GRM8: variants seen among roughly 807,000 people sequenced by gnomAD.
GRM8 encodes glutamate metabotropic receptor 8, also known as metabotropic glutamate receptor 8.
GRM8 carries 47 observed loss-of-function variants against 87.2 expected under a neutral mutation model. That is an observed-to-expected ratio of 0.54 (90% CI 0.43 to 0.69). The LOEUF is 0.69. Among genes scored for constraint, GRM8 ranks in the 30% least tolerant of loss-of-function variants. The pLI, the probability that GRM8 is intolerant of heterozygous loss-of-function variation, is 0.00. For missense variants in GRM8, 1,019 were observed against 1,139.2 expected, an observed-to-expected ratio of 0.89 and a Z score of 1.52; for synonymous variants, 396 against 404.5, an observed-to-expected ratio of 0.98 and a Z score of 0.25.
intron 2 of GRM8, among the ~76,000 whole-genome samples, chr7:127,154,667 C>T (rs894681103): frequency 5.9e-5 from 9 of 152,192 alleles, no homozygotes; most frequent in African/African-American, 2.2e-4. Context: ...ATCTACCTTG[C>T]AGACAAATGG....
rs1390412093 is a variant in GRM8 at position 126,919,537 on chromosome 7, T to C, written c.728-14854A>G. Among the ~76,000 whole-genome samples, 4 of 152,210 alleles carry C rather than the reference T, an allele frequency of 2.6e-5. No individual in the cohort carries two copies. In the South Asian group the frequency reaches 6.2e-4, roughly 24 times the overall value. On this transcript the variant is annotated intron_variant, in intron 3 of 10. Coordinates refer to ENST00000339582, the MANE Select transcript of GRM8 (RefSeq NM_000845.3). ...TAAAAACTGATTTTTTGTTAGAGTA[T>C]TGGAGCCTTGGTCAGGTGCTAGGGA...
chr7:127,247,701 CT>C (rs1344120720), intron 1 of GRM8, among the ~76,000 whole-genome samples: 1 of 152,144 alleles, frequency 6.6e-6, no homozygotes, highest in Non-Finnish European at 1.5e-5. Context: ...CCCCTCACCC[CT>C]ATGTGCTTCC....
chr7:126,998,452 G>A (rs185196119), intron 3 of GRM8, among the ~76,000 whole-genome samples: 72 of 151,794 alleles, frequency 4.7e-4, no homozygotes, highest in Non-Finnish European at 6.3e-4. Flanking sequence ...GAAATACATG[G>A]TGTCCAAATT....
chr7:126,964,843 T>G (rs545518008), intron 3 of GRM8, among the ~76,000 whole-genome samples: 1 of 152,214 alleles, frequency 6.6e-6, no homozygotes, highest in African/African-American at 2.4e-5. Flanking sequence ...CATTCTACTG[T>G]AAACACACAT....
At chr7:127,176,792 T>G (rs1794133512) in intron 2 of GRM8, among the ~76,000 whole-genome samples, 1 of 152,162 alleles carries the variant, frequency 6.6e-6, no homozygotes, top group Non-Finnish European at 1.5e-5. Context: ...TACCTGGAGC[T>G]GAGTCAATTT....
At chr7:127,081,912 A>T (rs1822913635) in intron 3 of GRM8, among the ~76,000 whole-genome samples, 1 of 152,176 alleles carries the variant, frequency 6.6e-6, no homozygotes, top group African/African-American at 2.4e-5. Flanking sequence ...GTGCTGGAGG[A>T]TGCAAAGGGG....
At chr7:126,471,001 G>A (rs1235508388) in intron 9 of GRM8, among the ~76,000 whole-genome samples, 1 of 152,190 alleles carries the variant, frequency 6.6e-6, no homozygotes, top group Non-Finnish European at 1.5e-5. Context: ...TTTGAGAAGT[G>A]TCTGCTCATG....
chr7:126,719,520 T>A, intron 7 of GRM8, among the ~76,000 whole-genome samples: 1 of 152,190 alleles, frequency 6.6e-6, no homozygotes, highest in East Asian at 1.9e-4. Context: ...TGTCAAGGTG[T>A]CAGTCATGTC....
intron 3 of GRM8, among the ~76,000 whole-genome samples, chr7:127,065,108 G>A (rs1209139686): frequency 3.3e-5 from 5 of 152,134 alleles, no homozygotes; most frequent in Admixed American, 1.3e-4. Context: ...CAAAGATGTG[G>A]AATCAATCTA....
chr7:126,796,999 G>A (rs1822022827), intron 6 of GRM8, among the ~76,000 whole-genome samples: 2 of 152,012 alleles, frequency 1.3e-5, no homozygotes, highest in Admixed American at 6.6e-5. Flanking sequence ...TCAGAAGTGC[G>A]CTGTTCTCTC....
rs3038844 is a variant in GRM8 at position 126,727,704 on chromosome 7, T to TACACACACAC, written c.1357+42151_1357+42160dup. On this transcript the variant is annotated intron_variant, in intron 7 of 10. Transcript: ENST00000339582. ...GAAAACACTTGCTCATCTGAAATCA[T>TACACACACAC]ACACACACACACACACACACACACA... Among the ~76,000 whole-genome samples, 810 of 141,862 alleles carry TACACACACAC rather than the reference T, an allele frequency of 5.7e-3. 8 individuals are homozygous for TACACACACAC. The highest frequency in any genetic ancestry group is 0.02 in the African/African-American group (757 of 38,150). The allele number at this position is 141,862 out of a possible 152,430, so 93.1% of individuals were successfully genotyped here.
intron 3 of GRM8, among the ~76,000 whole-genome samples, chr7:126,971,101 GA>G (rs1174574306): frequency 7.1e-6 from 1 of 140,822 alleles, no homozygotes; most frequent in East Asian, 2.2e-4. Context: ...CACGCTGTTG[GA>G]AAAATGTCAC....
At chr7:126,675,223 C>T (rs777761299) in intron 7 of GRM8, among the ~76,000 whole-genome samples, 2 of 151,902 alleles carry the variant, frequency 1.3e-5, no homozygotes, top group African/African-American at 2.4e-5. Context: ...TAACACACAG[C>T]GAGACTGAAC....
intron 7 of GRM8, among the ~76,000 whole-genome samples, chr7:126,712,821 G>A (rs949021215): frequency 3.9e-5 from 6 of 152,094 alleles, no homozygotes; most frequent in South Asian, 2.1e-4. Flanking sequence ...ACATTTATGC[G>A]GCTAAGAAAC....
In GRM8 at chr7:126,455,800, G is replaced by A. The variant is rs190106780; in HGVS notation, c.2431-9428C>T. ...TTCCACCTCTATAGCACCAGAGACA[G>A]GCTATTGACAATACAGCAGGCAGGC... On this transcript the variant is annotated intron_variant, in intron 9 of 10. Coordinates refer to ENST00000339582, the MANE Select transcript of GRM8 (RefSeq NM_000845.3). Among the ~76,000 whole-genome samples the A allele has an allele frequency of 1.1e-4, 17 of 151,740 alleles. No homozygotes were observed. In the East Asian group the frequency reaches 3.3e-3, roughly 30 times the overall value.
intron 2 of GRM8, among the ~76,000 whole-genome samples, chr7:127,231,341 T>C (rs1199691068): frequency 1.3e-5 from 2 of 152,202 alleles, no homozygotes; most frequent in Admixed American, 6.5e-5. Flanking sequence ...CTAGACCACA[T>C]TAAACTCTGC....
At chr7:127,056,440 A>G (rs1373886289) in intron 3 of GRM8, among the ~76,000 whole-genome samples, 1 of 152,172 alleles carries the variant, frequency 6.6e-6, no homozygotes, top group Non-Finnish European at 1.5e-5. Context: ...GCAGCTGCCC[A>G]GGGCCTGTAC....
chr7:126,528,471 A>G (rs539936041), intron 9 of GRM8, among the ~76,000 whole-genome samples: 1 of 152,310 alleles, frequency 6.6e-6, no homozygotes, highest in African/African-American at 2.4e-5. Flanking sequence ...CATGGGTAAC[A>G]GCCTAATGGT....
intron 2 of GRM8, among the ~76,000 whole-genome samples, chr7:127,215,603 T>A (rs982316281): frequency 6.6e-6 from 1 of 152,232 alleles, no homozygotes; most frequent in African/African-American, 2.4e-5. Flanking sequence ...ACCACCCTGG[T>A]GTCAGCTCTC....
Sources: gnomAD v4.1 joint callset for allele counts (sites outside exome capture counted in the v4.1 genomes callset) on GRCh38, gnomAD v4.1.1 for gene constraint, MANE v1.5 for transcripts, NCBI Gene and HGNC (gene_info 2026-07-23, HGNC 2026-07-21) for gene names.